The following TNFRSF19 variants were observed in gnomAD, a reference collection of about 807,000 sequenced individuals.
TNFRSF19 encodes TNF receptor superfamily member 19, also known as tumor necrosis factor receptor superfamily member 19.
TNFRSF19 carries 27 observed loss-of-function variants against 46.4 expected under a neutral mutation model. The observed-to-expected ratio is 0.58, with a 90% CI of 0.43 to 0.80. The LOEUF (loss-of-function observed/expected upper bound fraction) is 0.80. Among genes scored for constraint, TNFRSF19 ranks in the 30% least tolerant of loss-of-function variants. The probability of loss-of-function intolerance (pLI) is 0.00; values close to 1 mark genes in which losing one functional copy is unlikely to be tolerated. For synonymous variants in TNFRSF19, 204 were observed against 205.0 expected (o/e 1.00, Z 0.04); for missense variants, 511 against 530.8 (o/e 0.96, Z 0.37).
chr13:23,651,914 A>AT lies in TNFRSF19; in HGVS notation c.446-7136_446-7135insT, dbSNP rs1329221194. ...ATGCTAAAAAAAAAAAAAAAAAAAAAAAGCATAAGTTTTAAGAGTCAAACT... is the reference window on the plus strand; with the variant it reads ...ATGCTAAAAAAAAAAAAAAAAAAAAATAAGCATAAGTTTTAAGAGTCAAACT... On this transcript the variant is annotated intron_variant, in intron 5 of 9. Coordinates refer to ENST00000248484, the MANE Select transcript of TNFRSF19 (RefSeq NM_148957.4). Among the ~76,000 whole-genome samples the AT allele has an allele frequency of 6.4e-4, 96 of 150,376 alleles. 1 individual carries two copies. Among genetic ancestry groups the AT allele is most frequent in the African/African-American group, 1.7e-3 (69 of 41,084 alleles).
chr13:23,673,426 G>T lies in TNFRSF19; in HGVS notation c.*46G>T. ...GTAGAAGCGTGTGCTGGAACCCAAA[G>T]AGTACTCCTTTGTTAGGCTTATGGA... On this transcript the variant is annotated 3_prime_UTR_variant, in exon 10 of 10. Coordinates refer to ENST00000248484, the MANE Select transcript of TNFRSF19 (RefSeq NM_148957.4). 1 of 1,592,384 alleles carries T rather than the reference G, an allele frequency of 6.3e-7. No homozygotes were observed. The highest frequency in any genetic ancestry group is 8.6e-7 in the Non-Finnish European group (1 of 1,167,248).
intron 5 of TNFRSF19, among the ~76,000 whole-genome samples, chr13:23,657,452 G>A (rs957778708): frequency 6.6e-6 from 1 of 152,144 alleles, no homozygotes; most frequent in Non-Finnish European, 1.5e-5. Flanking sequence ...TAGAGTTGCA[G>A]TGTCCATTAT....
At chr13:23,618,726 C>T (rs1881467922) in intron 4 of TNFRSF19, among the ~76,000 whole-genome samples, 1 of 152,172 alleles carries the variant, frequency 6.6e-6, no homozygotes, top group Admixed American at 6.5e-5. Flanking sequence ...TTCGTAGCAG[C>T]AGTTTACGTA....
intron 5 of TNFRSF19, among the ~76,000 whole-genome samples, chr13:23,628,044 C>A (rs1336170168): frequency 4.6e-5 from 7 of 152,170 alleles, no homozygotes; most frequent in African/African-American, 1.7e-4. Context: ...TTATCAGTCA[C>A]AATGCATATG....
At chr13:23,660,581 C>G in intron 7 of TNFRSF19, 91 bp downstream of exon 7, 1 of 1,413,262 alleles carries the variant, frequency 7.1e-7, no homozygotes, top group Non-Finnish European at 9.5e-7. Flanking sequence ...CACCTCACAG[C>G]GAGGTGGCTG....
chr13:23,589,710 G>A (rs752763482), intron 1 of TNFRSF19, among the ~76,000 whole-genome samples: 3 of 152,220 alleles, frequency 2.0e-5, no homozygotes, highest in Non-Finnish European at 4.4e-5. Context: ...GATTAAGTGA[G>A]TTAGCATGCT....
At chr13:23,628,053 T>C (rs1466172022) in intron 5 of TNFRSF19, among the ~76,000 whole-genome samples, 1 of 152,204 alleles carries the variant, frequency 6.6e-6, no homozygotes, top group East Asian at 1.9e-4. Flanking sequence ...ACAATGCATA[T>C]GCTTTACTTA....
intron 5 of TNFRSF19, among the ~76,000 whole-genome samples, chr13:23,656,808 C>T (rs1026082223): frequency 1.3e-5 from 2 of 152,200 alleles, no homozygotes; most frequent in Non-Finnish European, 2.9e-5. Context: ...TTCCCCTTCT[C>T]TGTGGCTGCT....
intron 5 of TNFRSF19, among the ~76,000 whole-genome samples, chr13:23,654,348 G>A (rs1883839062): frequency 6.6e-6 from 1 of 152,042 alleles, no homozygotes; most frequent in Admixed American, 6.5e-5. Flanking sequence ...CTTTCCAGAT[G>A]CAGTCACCTC....
chr13:23,636,986 A>T (rs1882730025), intron 5 of TNFRSF19, among the ~76,000 whole-genome samples: 1 of 152,200 alleles, frequency 6.6e-6, no homozygotes, highest in South Asian at 2.1e-4. Flanking sequence ...TGTTAATAAT[A>T]TTATAATATT....
At chr13:23,612,785 A>T (rs758405638) in intron 3 of TNFRSF19, among the ~76,000 whole-genome samples, 1 of 152,252 alleles carries the variant, frequency 6.6e-6, no homozygotes, top group African/African-American at 2.4e-5. Flanking sequence ...TTGCCAAAAA[A>T]TAACCACAAA....
chr13:23,572,900 T>C (rs1877719581), intron 1 of TNFRSF19, among the ~76,000 whole-genome samples: 2 of 152,228 alleles, frequency 1.3e-5, no homozygotes, highest in Non-Finnish European at 1.5e-5. Context: ...AATGGCAGCT[T>C]TGTTACTACA....
intron 1 of TNFRSF19, among the ~76,000 whole-genome samples, chr13:23,582,265 G>A (rs1878502592): frequency 6.6e-6 from 1 of 151,208 alleles, no homozygotes; most frequent in Non-Finnish European, 1.5e-5. Flanking sequence ...GCCGGGCGTG[G>A]TGGCGGGCGC....
At chr13:23,639,571 T>A (rs915786074) in intron 5 of TNFRSF19, among the ~76,000 whole-genome samples, 49 of 152,260 alleles carry the variant, frequency 3.2e-4, no homozygotes, top group African/African-American at 1.2e-3. Context: ...CCCACCAGTG[T>A]TAGGAGCAGA....
Position 23,675,709 on chromosome 13 carries a change from G to A in TNFRSF19, c.*2329G>A, listed in dbSNP as rs1951820271. 1 of 152,248 alleles carries A rather than the reference G, an allele frequency of 6.6e-6. No homozygotes were observed. Among genetic ancestry groups the A allele is most frequent in the African/African-American group, 2.4e-5 (1 of 41,460 alleles). The allele number at this position is 152,248 out of a possible 1,614,324, so 9.4% of individuals were successfully genotyped here. A position where few individuals can be genotyped will look rare whatever the true frequency, so the allele number is the denominator to read the frequency against. On this transcript the variant is annotated 3_prime_UTR_variant, in exon 10 of 10. Transcript: ENST00000248484. ...AGAGTGCCGATGTCAGGAGGGCTGT[G>A]TCGGGTAATGCGTGTGGCTGAATGG...
chr13:23,634,768 A>G (rs1357881208), intron 5 of TNFRSF19, among the ~76,000 whole-genome samples: 1 of 152,142 alleles, frequency 6.6e-6, no homozygotes, highest in Non-Finnish European at 1.5e-5. Flanking sequence ...TTGAGGTGGC[A>G]TGTGAGGGCC....
intron 5 of TNFRSF19, among the ~76,000 whole-genome samples, chr13:23,627,685 A>G (rs554309436): frequency 7.2e-5 from 11 of 152,142 alleles, no homozygotes; most frequent in Non-Finnish European, 1.5e-4. Flanking sequence ...CAGGTCGCTC[A>G]TGCCTTTCTG....
chr13:23,572,513 C>CT (rs1202044671), intron 1 of TNFRSF19, among the ~76,000 whole-genome samples: 5 of 152,094 alleles, frequency 3.3e-5, no homozygotes, highest in African/African-American at 1.2e-4. Context: ...TTTAAAATGA[C>CT]TGTTTATCCT....
rs1951804536 is a variant in TNFRSF19 at position 23,674,714 on chromosome 13, A to G, written c.*1334A>G. On this transcript the variant is annotated 3_prime_UTR_variant, in exon 10 of 10. Coordinates refer to ENST00000248484, the MANE Select transcript of TNFRSF19 (RefSeq NM_148957.4). ...ATTTTTTAGACTTCTGAACATCAGT[A>G]TGTTCGAGGGTACTATGATATTTTG... The G allele has an allele frequency of 6.6e-6, 1 of 152,234 alleles. No individual in the cohort carries two copies. Among genetic ancestry groups the G allele is most frequent in the Non-Finnish European group, 1.5e-5 (1 of 68,044 alleles). 9.4% of individuals were successfully genotyped at this position (152,234 alleles called of 1,614,324 possible).
Sources: gnomAD v4.1 joint callset for allele counts (sites outside exome capture counted in the v4.1 genomes callset) on GRCh38, gnomAD v4.1.1 for gene constraint, MANE v1.5 for transcripts, NCBI Gene and HGNC (gene_info 2026-07-23, HGNC 2026-07-21) for gene names.